The following COL23A1 variants were observed in gnomAD, a reference collection of about 807,000 sequenced individuals.
COL23A1 encodes the protein collagen alpha-1(XXIII) chain.
Under a neutral mutation model 99.3 loss-of-function variants are expected in COL23A1, and 97 were observed. The observed-to-expected ratio is 0.98, with a 90% CI of 0.83 to 1.16. COL23A1 has a LOEUF of 1.16. COL23A1 is among the 50% of genes most tolerant of loss of function. The pLI is 0.00. For missense variants in COL23A1, 762 were observed against 757.4 expected (o/e 1.01, Z -0.07); for synonymous variants, 320 against 308.2 (o/e 1.04, Z -0.40).
At chr5:178,262,339 G>T in intron 9 of COL23A1, 87 bp from the exon 10 acceptor site, 3 of 1,279,690 alleles carry the variant, frequency 2.3e-6, no homozygotes, top group Non-Finnish European at 3.3e-6. Context: ...CCGGGCTGGG[G>T]CTCTAAGTAC....
At chr5:178,509,511 G>A (rs1287212517) in intron 2 of COL23A1, among the ~76,000 whole-genome samples, 8 of 152,070 alleles carry the variant, frequency 5.3e-5, no homozygotes, top group African/African-American at 1.7e-4. Flanking sequence ...GTGAGCCACC[G>A]TGCCCGGCCA....
intron 2 of COL23A1, among the ~76,000 whole-genome samples, chr5:178,476,009 G>T (rs544927542): frequency 6.6e-6 from 1 of 152,276 alleles, no homozygotes; most frequent in East Asian, 1.9e-4. Flanking sequence ...CGGCAAACTT[G>T]AAGTCAACTG....
chr5:178,248,965 C>T (rs1046854855), intron 19 of COL23A1, 152 bp downstream of exon 19: 14 of 727,028 alleles, frequency 1.9e-5, no homozygotes, highest in African/African-American at 3.5e-5. Context: ...ACAGCGCTGG[C>T]CCAGAGCCTA....
intron 2 of COL23A1, among the ~76,000 whole-genome samples, chr5:178,382,382 G>A (rs934737852): frequency 6.6e-6 from 1 of 152,098 alleles, no homozygotes; most frequent in Non-Finnish European, 1.5e-5. Flanking sequence ...TAATATATAT[G>A]GACAGAAAGG....
At chr5:178,248,404 T>C in intron 19 of COL23A1, 150 bp from the exon 20 acceptor site, 1 of 587,190 alleles carries the variant, frequency 1.7e-6, no homozygotes, top group South Asian at 2.3e-5. Flanking sequence ...CCTACATCCA[T>C]GTGCCACGCC....
At chr5:178,431,772 C>T (rs1166500272) in intron 2 of COL23A1, among the ~76,000 whole-genome samples, 1 of 152,230 alleles carries the variant, frequency 6.6e-6, no homozygotes, top group Non-Finnish European at 1.5e-5. Flanking sequence ...GAGACTAGAT[C>T]TGTGTTGTGT....
chr5:178,365,841 G>A lies in COL23A1; in HGVS notation c.362-58922C>T, dbSNP rs1762444446. ...TCAGCGCTGGGCACTGGCTTGTGAT[G>A]GTCTCCTGGCCACATGGGGAGCTCC... On this transcript the variant is annotated intron_variant, in intron 2 of 28. Coordinates refer to ENST00000390654, the MANE Select transcript of COL23A1 (RefSeq NM_173465.4). The surrounding 1 kb of genome is among the most constrained non-coding windows in gnomAD (Gnocchi z 5.2). Among the ~76,000 whole-genome samples, 2 of 152,262 alleles carry A rather than the reference G, an allele frequency of 1.3e-5. No homozygotes were observed. Among genetic ancestry groups the A allele is most frequent in the South Asian group, 4.2e-4 (2 of 4,818 alleles).
At chr5:178,588,842 G>A (rs545103787) in intron 1 of COL23A1, among the ~76,000 whole-genome samples, 1 of 152,320 alleles carries the variant, frequency 6.6e-6, no homozygotes, top group East Asian at 1.9e-4. Flanking sequence ...AATTGGGGGT[G>A]TACAGGCCAG....
At chr5:178,262,785 G>A (rs1166509407) in intron 9 of COL23A1, among the ~76,000 whole-genome samples, 1 of 152,138 alleles carries the variant, frequency 6.6e-6, no homozygotes, top group Non-Finnish European at 1.5e-5. Flanking sequence ...TTGCAACTAA[G>A]GTCAGCTTAG....
At chr5:178,556,059 G>A (rs150108625) in intron 2 of COL23A1, among the ~76,000 whole-genome samples, 2 of 152,270 alleles carry the variant, frequency 1.3e-5, no homozygotes, top group Non-Finnish European at 2.9e-5. Context: ...CAGCACACAC[G>A]CAGCCCTGTC....
intron 2 of COL23A1, among the ~76,000 whole-genome samples, chr5:178,552,959 T>C (rs940277420): frequency 7.2e-5 from 11 of 151,868 alleles, no homozygotes; most frequent in Non-Finnish European, 1.5e-4. Flanking sequence ...CCCCCCGCCT[T>C]GGCCTCCCAA....
At chr5:178,410,248 T>C (rs1764989935) in intron 2 of COL23A1, among the ~76,000 whole-genome samples, 1 of 152,240 alleles carries the variant, frequency 6.6e-6, no homozygotes, top group Admixed American at 6.5e-5. Flanking sequence ...CCTCACATTT[T>C]GTGTTTATGA....
chr5:178,512,652 G>A (rs1204799484), intron 2 of COL23A1, among the ~76,000 whole-genome samples: 3 of 152,344 alleles, frequency 2.0e-5, no homozygotes, highest in African/African-American at 7.2e-5. Context: ...AGCTCAGAGA[G>A]AGGACAGAGC....
At chr5:178,413,622 A>G (rs1374940710) in intron 2 of COL23A1, among the ~76,000 whole-genome samples, 3 of 152,202 alleles carry the variant, frequency 2.0e-5, no homozygotes, top group African/African-American at 7.2e-5. Context: ...AAGTAATTAC[A>G]ATGAAGAGTG....
chr5:178,314,490 G>A (rs1159048824), intron 2 of COL23A1, among the ~76,000 whole-genome samples: 9 of 152,284 alleles, frequency 5.9e-5, no homozygotes, highest in Admixed American at 2.0e-4. Context: ...TTCGGTGGAT[G>A]AATGAATAGG....
intron 2 of COL23A1, among the ~76,000 whole-genome samples, chr5:178,403,134 A>ATAAAT (rs1355029045): frequency 1.4e-5 from 2 of 146,314 alleles, no homozygotes; most frequent in African/African-American, 5.3e-5. Context: ...AAATAAATAA[A>ATAAAT]AAATAAATAC....
chr5:178,346,097 C>A (rs1760954237), intron 2 of COL23A1, among the ~76,000 whole-genome samples: 1 of 151,468 alleles, frequency 6.6e-6, no homozygotes, highest in African/African-American at 2.4e-5. Context: ...TATTACTGAC[C>A]ATTCTAGATT....
chr5:178,526,813 G>A (rs1252082573), intron 2 of COL23A1, among the ~76,000 whole-genome samples: 4 of 152,152 alleles, frequency 2.6e-5, no homozygotes, highest in East Asian at 3.8e-4. Context: ...TCCAGACATG[G>A]GGCTCCATAA....
At chr5:178,328,101 C>T (rs1356274914) in intron 2 of COL23A1, among the ~76,000 whole-genome samples, 1 of 152,148 alleles carries the variant, frequency 6.6e-6, no homozygotes, top group African/African-American at 2.4e-5. Context: ...AGCTGGCAGA[C>T]CCAGCCTCCC....
Sources: allele counts gnomAD v4.1 joint callset (sites outside exome capture counted in the v4.1 genomes callset), GRCh38; gene constraint gnomAD v4.1.1; non-coding constraint Gnocchi (gnomAD v3.1); transcripts MANE v1.5; gene names NCBI Gene and HGNC (gene_info 2026-07-23, HGNC 2026-07-21).